Variants in CARNMT1 observed in about 807,000 individuals in gnomAD.
CARNMT1 encodes the protein protein-L-histidine N-pros-methyltransferase CARNMT1.
A neutral mutation model predicts 49.6 loss-of-function variants in CARNMT1; 28 were observed. The observed-to-expected ratio is 0.56, with a 90% CI of 0.42 to 0.77. The LOEUF (loss-of-function observed/expected upper bound fraction) is 0.77, where lower values mean the gene tolerates loss of function less well. Among genes scored for constraint, CARNMT1 ranks in the 30% least tolerant of loss-of-function variants. The pLI is 0.00. For missense variants in CARNMT1, 421 were observed against 512.6 expected (o/e 0.82, Z 1.73); for synonymous variants, 178 against 175.0 (o/e 1.02, Z -0.13).
chr9:74,993,926 G>A (rs1231059042), intron 6 of CARNMT1, among the ~76,000 whole-genome samples: 1 of 152,178 alleles, frequency 6.6e-6, no homozygotes, highest in Non-Finnish European at 1.5e-5. Flanking sequence ...AGGAAAAAGA[G>A]AGGTCCTATT....
chr9:74,987,471 T>C (rs1832879336), intron 6 of CARNMT1, among the ~76,000 whole-genome samples: 1 of 152,088 alleles, frequency 6.6e-6, no homozygotes, highest in Non-Finnish European at 1.5e-5. Context: ...ACCACAACAG[T>C]ACATGCAACA....
intron 3 of CARNMT1, among the ~76,000 whole-genome samples, chr9:75,005,969 T>C (rs1366451386): frequency 6.6e-6 from 1 of 152,044 alleles, no homozygotes; most frequent in South Asian, 2.1e-4. Flanking sequence ...AACAGAGTCC[T>C]AGAAATTTAC....
chr9:75,023,148 A>AG (rs1467500381), intron 1 of CARNMT1, among the ~76,000 whole-genome samples: 2 of 151,724 alleles, frequency 1.3e-5, no homozygotes, highest in Non-Finnish European at 2.9e-5. Context: ...AAAAAAAAAA[A>AG]AAAAAGAAAA....
rs909440210 is a variant in CARNMT1, at chr9:74,983,145, G to A, written c.*622C>T. 1 of 151,978 alleles carries A rather than the reference G, an allele frequency of 6.6e-6. No homozygotes were observed. The highest frequency in any genetic ancestry group is 1.5e-5 in the Non-Finnish European group (1 of 68,052). The allele number at this position is 151,978 out of a possible 1,614,324, so 9.4% of individuals were successfully genotyped here. On this transcript the variant is annotated 3_prime_UTR_variant, in exon 8 of 8. Transcript: ENST00000376834. Reference sequence around the variant, plus strand: ...AGTCCTAGCTACTCAGGAGGCTAAGGCTAAGGCAGGAAGATCGCTTGAGTC... The same window carrying A: ...AGTCCTAGCTACTCAGGAGGCTAAGACTAAGGCAGGAAGATCGCTTGAGTC...
At chr9:75,017,121 TTTAAG>T in intron 2 of CARNMT1, 127 bp downstream of exon 2, 1 of 671,368 alleles carries the variant, frequency 1.5e-6, no homozygotes, top group African/African-American at 1.8e-5. Context: ...TGACTGAACA[TTTAAG>T]TTAAAACTTT....
intron 3 of CARNMT1, among the ~76,000 whole-genome samples, chr9:75,012,358 C>T (rs1318195686): frequency 2.0e-5 from 3 of 149,274 alleles, no homozygotes; most frequent in African/African-American, 7.4e-5. Context: ...ATGATCTTGA[C>T]TCACTGCAAC....
At chr9:75,006,261 A>G (rs1296619819) in intron 3 of CARNMT1, among the ~76,000 whole-genome samples, 2 of 152,012 alleles carry the variant, frequency 1.3e-5, no homozygotes, top group African/African-American at 4.8e-5. Flanking sequence ...CATGTTGGCC[A>G]GGGTGGTCTT....
rs1440100878 is a variant in CARNMT1 at position 75,017,239 on chromosome 9, A to G, written c.426+14T>C. 6.3e-7 allele frequency: 1 copy of G among 1,598,074 alleles called. No homozygotes were observed. The highest frequency in any genetic ancestry group is 8.6e-7 in the Non-Finnish European group (1 of 1,167,690). On this transcript the variant is annotated intron_variant, in intron 2 of 7. Coordinates refer to ENST00000376834, the MANE Select transcript of CARNMT1 (RefSeq NM_152420.3). ...ACCCTAAAATAAACAGAAATAGAAC[A>G]AACTTTCACATACATCTTCTCCATA...
chr9:75,023,772 A>G (rs1822445636), intron 1 of CARNMT1, among the ~76,000 whole-genome samples: 1 of 152,236 alleles, frequency 6.6e-6, no homozygotes, highest in Admixed American at 6.5e-5. Context: ...GATTACACAA[A>G]GCCTAAGGCT....
chr9:74,985,231 C>T (rs1016602950), intron 6 of CARNMT1, among the ~76,000 whole-genome samples: 2 of 152,214 alleles, frequency 1.3e-5, no homozygotes, highest in African/African-American at 4.8e-5. Flanking sequence ...CTGCCTTGCA[C>T]TGTGATTCAC....
At chr9:75,026,991 G>A (rs1335939159) in intron 1 of CARNMT1, 7 of 884,862 alleles carry the variant, frequency 7.9e-6, no homozygotes, top group Non-Finnish European at 9.8e-6. Context: ...TACATAAGAT[G>A]AACAATATAA....
At chr9:75,016,462 T>A in intron 2 of CARNMT1, 31 bp from the exon 3 acceptor site, 1 of 1,607,156 alleles carries the variant, frequency 6.2e-7, no homozygotes. Flanking sequence ...AATTAGCTTC[T>A]GAGAGAGTAA....
chr9:74,991,077 T>C (rs1303787315), intron 6 of CARNMT1: 1 of 152,054 alleles, frequency 6.6e-6, no homozygotes, highest in African/African-American at 2.4e-5. Context: ...GATATTGACA[T>C]GCCCACTCCA....
At chr9:75,006,322 G>A (rs1833511209) in intron 3 of CARNMT1, among the ~76,000 whole-genome samples, 1 of 152,136 alleles carries the variant, frequency 6.6e-6, no homozygotes, top group Non-Finnish European at 1.5e-5. Flanking sequence ...AAAGTGCTGG[G>A]ATTACAGGCA....
intron 3 of CARNMT1, among the ~76,000 whole-genome samples, chr9:75,003,173 TTTC>T (rs1833410964): frequency 6.6e-6 from 1 of 152,208 alleles, no homozygotes; most frequent in Non-Finnish European, 1.5e-5. Context: ...CCCAGAAGAC[TTTC>T]TTTAGAGCTC....
intron 1 of CARNMT1, chr9:75,027,223 T>A (rs1822556760): frequency 7.8e-6 from 8 of 1,030,866 alleles, no homozygotes; most frequent in Non-Finnish European, 1.1e-5. Flanking sequence ...TACTTTAACA[T>A]CTATCTAGAA....
chr9:74,998,220 C>G lies in CARNMT1; in HGVS notation c.910+378G>C, dbSNP rs149203196. Among the ~76,000 whole-genome samples the G allele has an allele frequency of 3.4e-3, 523 of 152,322 alleles. 1 individual carries two copies. The highest frequency in any genetic ancestry group is 0.012 in the African/African-American group (500 of 41,572). Reference sequence around the variant, plus strand: ...TGCTGCCATCCCCAATCACCTTGTTCATATCTTTGTACTTCTGTCTGCCTC... The same window carrying G: ...TGCTGCCATCCCCAATCACCTTGTTGATATCTTTGTACTTCTGTCTGCCTC... On this transcript the variant is annotated intron_variant, in intron 5 of 7. Coordinates refer to ENST00000376834, the MANE Select transcript of CARNMT1 (RefSeq NM_152420.3).
intron 3 of CARNMT1, among the ~76,000 whole-genome samples, chr9:75,000,235 G>C (rs1349730464): frequency 6.6e-6 from 1 of 151,980 alleles, no homozygotes; most frequent in East Asian, 1.9e-4. Flanking sequence ...TTGAACAAAA[G>C]TACTTCATCA....
chr9:74,995,102 T>C (rs1160248679), intron 6 of CARNMT1, among the ~76,000 whole-genome samples: 1 of 152,202 alleles, frequency 6.6e-6, no homozygotes, highest in African/African-American at 2.4e-5. Context: ...AGTCACATGC[T>C]CTGGAAATAC....
Sources: allele counts gnomAD v4.1 joint callset (sites outside exome capture counted in the v4.1 genomes callset), GRCh38; gene constraint gnomAD v4.1.1; transcripts MANE v1.5; gene names NCBI Gene and HGNC (gene_info 2026-07-23, HGNC 2026-07-21).